Variants in TRPS1 observed in about 807,000 individuals in gnomAD.
The protein encoded by TRPS1 is zinc finger transcription factor Trps1.
In TRPS1, 6 loss-of-function variants were observed where a neutral mutation model predicts 101.2. The ratio of observed to expected loss-of-function variants is 0.06; its 90% CI spans 0.03 to 0.12. The LOEUF (loss-of-function observed/expected upper bound fraction) is 0.12, where lower values mean the gene tolerates loss of function less well. Among genes scored for constraint, TRPS1 ranks in the 10% least tolerant of loss-of-function variants. The pLI is 1.00. For synonymous variants in TRPS1, 578 were observed against 589.8 expected (o/e 0.98, Z 0.29); for missense variants, 1,363 against 1,567.0 (o/e 0.87, Z 2.20).
intron 3 of TRPS1, among the ~76,000 whole-genome samples, chr8:115,607,161 T>A (rs1448694101): frequency 6.6e-6 from 1 of 152,114 alleles, no homozygotes; most frequent in African/African-American, 2.4e-5. Context: ...AGAGCATACA[T>A]ATACTTAAGA....
intron 5 of TRPS1, among the ~76,000 whole-genome samples, chr8:115,519,380 C>T (rs746800468): frequency 2.0e-5 from 3 of 151,378 alleles, no homozygotes; most frequent in Non-Finnish European, 3.0e-5. Flanking sequence ...AAATCCACTA[C>T]GTAAATTTGA....
At chr8:115,438,101 A>C (rs1309429424) in intron 5 of TRPS1, among the ~76,000 whole-genome samples, 3 of 152,240 alleles carry the variant, frequency 2.0e-5, no homozygotes, top group Non-Finnish European at 4.4e-5. Context: ...AGGAAACTGC[A>C]AGGTTCACTT....
At chr8:115,530,100 C>T (rs937301539) in intron 5 of TRPS1, among the ~76,000 whole-genome samples, 3 of 152,066 alleles carry the variant, frequency 2.0e-5, no homozygotes, top group African/African-American at 7.2e-5. Flanking sequence ...GTTATTAGTA[C>T]TGTAGGCATT....
chr8:115,483,114 G>A (rs1237866625), intron 5 of TRPS1, among the ~76,000 whole-genome samples: 1 of 152,090 alleles, frequency 6.6e-6, no homozygotes, highest in African/African-American at 2.4e-5. Context: ...ACAGATACTA[G>A]CACAGAATAA....
chr8:115,634,917 C>T lies in TRPS1; in HGVS notation c.-121-11159G>A, dbSNP rs955790568. On this transcript the variant is annotated intron_variant, in intron 1 of 6. Coordinates refer to ENST00000395715, the MANE Select transcript of TRPS1 (RefSeq NM_014112.5). ...AAAGAAAAGACAGGTTGTTGTAGGT[C>T]CCAAAATATCCTGCCCTGGTTTACT... 2.0e-5 allele frequency among the ~76,000 whole-genome samples: 3 copies of T among 151,520 alleles called. No individual in the cohort carries two copies. In the South Asian group the frequency reaches 6.2e-4, roughly 32 times the overall value.
intron 5 of TRPS1, among the ~76,000 whole-genome samples, chr8:115,454,838 CT>C (rs1813976031): frequency 6.6e-6 from 1 of 152,002 alleles, no homozygotes; most frequent in African/African-American, 2.4e-5. Context: ...ACTCTGTAAA[CT>C]TTTAAAATGT....
rs182590103 is a variant in TRPS1, at chr8:115,526,253, G to A, written c.2700+60748C>T. The stretch of plus-strand genomic sequence containing the variant: ...GAACCCGGGAGCTGGAGGTTGCAGT[G>A]AGCTGACATCACGCCACTTACACTC... On this transcript the variant is annotated intron_variant, in intron 5 of 6. Transcript: ENST00000395715. Among the ~76,000 whole-genome samples, 146 of 152,036 alleles carry A rather than the reference G, an allele frequency of 9.6e-4. 1 individual carries two copies. The highest frequency in any genetic ancestry group is 3.5e-3 in the African/African-American group (144 of 41,476).
chr8:115,651,148 C>T (rs1309598656), intron 1 of TRPS1, among the ~76,000 whole-genome samples: 3 of 152,200 alleles, frequency 2.0e-5, no homozygotes, highest in Non-Finnish European at 4.4e-5. Context: ...CTGATTAGTT[C>T]ATAGTGTCTC....
rs1814967677 is a variant in TRPS1 at position 115,489,456 on chromosome 8, A to G, written c.2701-71004T>C. Among the ~76,000 whole-genome samples, 3 of 152,342 alleles carry G rather than the reference A, an allele frequency of 2.0e-5. 1 individual carries two copies. Among genetic ancestry groups the G allele is most frequent in the Middle Eastern group, 6.8e-3 (2 of 294 alleles). ...AATCTTTCCCAGTTAAAAATTTTAT[A>G]GCATACCATTGTCTGGCAGAATTTG... On this transcript the variant is annotated intron_variant, in intron 5 of 6. Coordinates refer to ENST00000395715, the MANE Select transcript of TRPS1 (RefSeq NM_014112.5).
chr8:115,655,004 A>G (rs1197264031), intron 1 of TRPS1, among the ~76,000 whole-genome samples: 1 of 152,218 alleles, frequency 6.6e-6, no homozygotes, highest in Non-Finnish European at 1.5e-5. Context: ...GCAAACATCA[A>G]AATCACCTAG....
At chr8:115,498,984 G>A (rs1389858221) in intron 5 of TRPS1, among the ~76,000 whole-genome samples, 1 of 151,984 alleles carries the variant, frequency 6.6e-6, no homozygotes, top group East Asian at 1.9e-4. Flanking sequence ...AAATCTTTTG[G>A]AAAATGAAGT....
At chr8:115,666,697 A>G (rs932181534) in intron 1 of TRPS1, among the ~76,000 whole-genome samples, 1 of 152,210 alleles carries the variant, frequency 6.6e-6, no homozygotes, top group Non-Finnish European at 1.5e-5. Flanking sequence ...CATAGGTTTT[A>G]GCTTCAGAGC....
At chr8:115,522,619 A>G (rs1165146542) in intron 5 of TRPS1, among the ~76,000 whole-genome samples, 2 of 152,104 alleles carry the variant, frequency 1.3e-5, no homozygotes, top group African/African-American at 4.8e-5. Context: ...AAAGGAAATA[A>G]TGAAATGTGT....
At chr8:115,541,309 CT>C (rs1816447345) in intron 5 of TRPS1, among the ~76,000 whole-genome samples, 1 of 152,134 alleles carries the variant, frequency 6.6e-6, no homozygotes, top group Non-Finnish European at 1.5e-5. Context: ...ATCCATCTTT[CT>C]TTTTCACCAC....
intron 3 of TRPS1, among the ~76,000 whole-genome samples, chr8:115,609,079 T>A (rs1326534762): frequency 7.9e-5 from 12 of 152,136 alleles, no homozygotes. Flanking sequence ...ACTCCTGGGC[T>A]CAAGCTAGCC....
intron 5 of TRPS1, among the ~76,000 whole-genome samples, chr8:115,477,687 C>T (rs1484543063): frequency 6.6e-6 from 1 of 152,158 alleles, no homozygotes; most frequent in Non-Finnish European, 1.5e-5. Context: ...TAGTAAGTTC[C>T]ATTAGTACAA....
intron 5 of TRPS1, among the ~76,000 whole-genome samples, chr8:115,479,985 A>C (rs7007607): frequency 0.012 from 1,835 of 152,244 alleles, 40 homozygotes; most frequent in South Asian, 0.046. Context: ...GGCGAGGCAC[A>C]TTAGAGGTGG....
At chr8:115,501,980 A>AT (rs1292898408) in intron 5 of TRPS1, among the ~76,000 whole-genome samples, 2 of 151,842 alleles carry the variant, frequency 1.3e-5, no homozygotes, top group African/African-American at 4.8e-5. Flanking sequence ...CCTGCTTGAC[A>AT]TTTTCCATGA....
At chr8:115,613,452 C>T (rs905503051) in intron 3 of TRPS1, among the ~76,000 whole-genome samples, 5 of 152,182 alleles carry the variant, frequency 3.3e-5, no homozygotes, top group African/African-American at 9.7e-5. Context: ...TGTCTTCTAT[C>T]TCCTCCCTTA....
Sources: allele counts gnomAD v4.1 joint callset (sites outside exome capture counted in the v4.1 genomes callset), GRCh38; gene constraint gnomAD v4.1.1; transcripts MANE v1.5; gene names NCBI Gene and HGNC (gene_info 2026-07-23, HGNC 2026-07-21).